Variants in GIPC2 observed in about 807,000 individuals in gnomAD.
The protein encoded by GIPC2 is GIPC PDZ domain containing family member 2.
GIPC2 carries 30 observed loss-of-function variants against 30.6 expected under a neutral mutation model. That is an observed-to-expected ratio of 0.98 (90% CI 0.73 to 1.33). The LOEUF (loss-of-function observed/expected upper bound fraction) is 1.33. Ranked by LOEUF, GIPC2 falls within the 40% of genes most tolerant of loss-of-function variation. The pLI is 0.00. For missense variants in GIPC2, 414 were observed against 390.3 expected (o/e 1.06, Z -0.51); for synonymous variants, 167 against 150.0 (o/e 1.11, Z -0.83).
chr1:78,057,690 A>G (rs1661321757), intron 1 of GIPC2, among the ~76,000 whole-genome samples: 1 of 152,240 alleles, frequency 6.6e-6, no homozygotes, highest in Non-Finnish European at 1.5e-5. Context: ...CAGTTTTAAA[A>G]TGGAAGGTAG....
At chr1:78,127,644 A>G (rs567946593) in intron 5 of GIPC2, among the ~76,000 whole-genome samples, 1 of 152,138 alleles carries the variant, frequency 6.6e-6, no homozygotes, top group Non-Finnish European at 1.5e-5. Context: ...TATAAATTTT[A>G]TTTAACAATC....
At chr1:78,119,933 A>T (rs1443429444) in intron 4 of GIPC2, among the ~76,000 whole-genome samples, 1 of 152,030 alleles carries the variant, frequency 6.6e-6, no homozygotes, top group Non-Finnish European at 1.5e-5. Context: ...ATCCTAGTGG[A>T]TCTACCTCTA....
At position 78,046,255 on chromosome 1, in the gene GIPC2, C is replaced by G. The variant is rs1398641644; in HGVS notation, c.161C>G (p.Thr54Arg). The part of the protein sequence containing the change: ...FHAQLAHGSA[T>R]GRVEGFSSIQ... ...GCGCAGCTGGCGCACGGTAGTGCCA[C>G]GGGCCGAGTGGAGGGCTTCTCCAGC... The change falls in exon 1 of 6, where the codon ACG becomes AGG. Residue 54 changes from threonine (T) to arginine (R), a missense_variant. Transcript: ENST00000370759. The G allele has an allele frequency of 1.9e-6, 3 of 1,610,792 alleles. No homozygotes were observed. Among genetic ancestry groups the G allele is most frequent in the South Asian group, 2.2e-5 (2 of 90,648 alleles).
intron 3 of GIPC2, among the ~76,000 whole-genome samples, chr1:78,115,397 G>T (rs2100419882): frequency 6.6e-6 from 1 of 152,284 alleles, no homozygotes; most frequent in Non-Finnish European, 1.5e-5. Flanking sequence ...CAAGTAGGTT[G>T]CTTGGTGAAA....
chr1:78,048,969 G>T (rs893957553), intron 1 of GIPC2, among the ~76,000 whole-genome samples: 4 of 152,252 alleles, frequency 2.6e-5, no homozygotes, highest in East Asian at 1.9e-4. Context: ...TTTCCATCTG[G>T]ATTAGAAAAA....
chr1:78,056,923 T>C (rs1026027647), intron 1 of GIPC2, among the ~76,000 whole-genome samples: 2 of 152,202 alleles, frequency 1.3e-5, no homozygotes, highest in African/African-American at 4.8e-5. Flanking sequence ...CTCTTTCCAG[T>C]GTATTTGTTG....
At chr1:78,088,713 A>G (rs1661980547) in intron 2 of GIPC2, among the ~76,000 whole-genome samples, 2 of 151,948 alleles carry the variant, frequency 1.3e-5, no homozygotes, top group Non-Finnish European at 2.9e-5. Flanking sequence ...GTATAGTGGC[A>G]TGCACCTATA....
chr1:78,078,187 CAAAAAAA>C (rs10694093), intron 1 of GIPC2, among the ~76,000 whole-genome samples: 1 of 65,108 alleles, frequency 1.5e-5, no homozygotes, highest in Non-Finnish European at 2.6e-5. Flanking sequence ...GACTCCATCT[CAAAAAAA>C]AAAAAAAAAA....
chr1:78,105,215 A>C (rs1183328970), intron 3 of GIPC2, among the ~76,000 whole-genome samples: 1 of 152,162 alleles, frequency 6.6e-6, no homozygotes, highest in Non-Finnish European at 1.5e-5. Context: ...TATAATCTAT[A>C]ATACTAAAAA....
chr1:78,100,672 A>G (rs1434028527), intron 3 of GIPC2, among the ~76,000 whole-genome samples: 2 of 152,080 alleles, frequency 1.3e-5, no homozygotes, highest in Non-Finnish European at 2.9e-5. Flanking sequence ...GTTCACTCCT[A>G]TAATCCCAGC....
At chr1:78,083,246 TC>T (rs1270922895) in intron 2 of GIPC2, among the ~76,000 whole-genome samples, 1 of 152,182 alleles carries the variant, frequency 6.6e-6, no homozygotes, top group Non-Finnish European at 1.5e-5. Flanking sequence ...CTAGAATAGT[TC>T]CTCAGCCTTT....
At chr1:78,130,778 G>C (rs1305300070) in intron 5 of GIPC2, among the ~76,000 whole-genome samples, 1 of 152,120 alleles carries the variant, frequency 6.6e-6, no homozygotes, top group Non-Finnish European at 1.5e-5. Flanking sequence ...CTGAAACTTT[G>C]ATACCAAGAT....
intron 1 of GIPC2, among the ~76,000 whole-genome samples, chr1:78,061,502 T>G (rs980089999): frequency 6.6e-5 from 10 of 152,086 alleles, no homozygotes; most frequent in African/African-American, 2.2e-4. Context: ...TGTTTGTTTT[T>G]TTTTTGTTTT....
At chr1:78,113,328 T>C (rs1349853199) in intron 3 of GIPC2, among the ~76,000 whole-genome samples, 1 of 152,186 alleles carries the variant, frequency 6.6e-6, no homozygotes, top group Non-Finnish European at 1.5e-5. Flanking sequence ...CACACCATAG[T>C]CTCCTGAGTA....
At chr1:78,091,915 C>G in intron 2 of GIPC2, 2 of 827,634 alleles carry the variant, frequency 2.4e-6, no homozygotes, top group South Asian at 2.7e-5. Flanking sequence ...TTTCCATTTT[C>G]TATTAACAAC....
chr1:78,067,926 G>A (rs768554463), intron 1 of GIPC2, among the ~76,000 whole-genome samples: 3 of 152,094 alleles, frequency 2.0e-5, no homozygotes, highest in African/African-American at 7.2e-5. Context: ...TCTGTGGATG[G>A]TCCTTAGTCT....
At chr1:78,134,051 T>C (rs995309963) in intron 5 of GIPC2, among the ~76,000 whole-genome samples, 1 of 152,172 alleles carries the variant, frequency 6.6e-6, no homozygotes, top group Non-Finnish European at 1.5e-5. Context: ...TCTTAGTCTT[T>C]CTAATGGAGA....
intron 5 of GIPC2, among the ~76,000 whole-genome samples, chr1:78,133,786 GTGTA>G (rs1380323129): frequency 2.7e-5 from 3 of 112,382 alleles, no homozygotes; most frequent in Middle Eastern, 4.7e-3. Flanking sequence ...GTGTGTGTGT[GTGTA>G]TGTATGTATT....
At chr1:78,053,079 TGGGAA>T (rs1661223973) in intron 1 of GIPC2, among the ~76,000 whole-genome samples, 3 of 152,132 alleles carry the variant, frequency 2.0e-5, no homozygotes, top group Admixed American at 6.5e-5. Flanking sequence ...ATGAAAGAAT[TGGGAA>T]TTGGGTGTGA....
Sources: allele counts gnomAD v4.1 joint callset (sites outside exome capture counted in the v4.1 genomes callset), GRCh38; gene constraint gnomAD v4.1.1; transcripts MANE v1.5; gene names NCBI Gene and HGNC (gene_info 2026-07-23, HGNC 2026-07-21).